Variants in STIMATE observed in about 807,000 individuals in gnomAD.
The protein encoded by STIMATE is STIM activating enhancer, also known as store-operated calcium entry regulator STIMATE.
Under a neutral mutation model 36.7 loss-of-function variants are expected in STIMATE, and 15 were observed. The ratio of observed to expected loss-of-function variants is 0.41; its 90% CI spans 0.27 to 0.63. The LOEUF (loss-of-function observed/expected upper bound fraction) is 0.63. Among genes scored for constraint, STIMATE ranks in the 20% least tolerant of loss-of-function variants. The pLI is 0.32. For synonymous variants in STIMATE, 163 were observed against 162.3 expected (o/e 1.00, Z -0.03); for missense variants, 305 against 397.3 (o/e 0.77, Z 1.98).
At chr3:52,841,535 G>A (rs910510363) in intron 7 of STIMATE, among the ~76,000 whole-genome samples, 1 of 152,198 alleles carries the variant, frequency 6.6e-6, no homozygotes, top group African/African-American at 2.4e-5. Context: ...CCTAGGTTGG[G>A]ATCAGGAGGT....
chr3:52,849,914 C>T lies in STIMATE; in HGVS notation c.306-1G>A. 6.2e-7 allele frequency: 1 copy of T among 1,613,272 alleles called. No individual in the cohort carries two copies. Among genetic ancestry groups the T allele is most frequent in the Non-Finnish European group, 8.5e-7 (1 of 1,179,660 alleles). Reference sequence around the variant, plus strand: ...GTCCAGGAGGAAGTTGATGAGGTACCTGTGAGGACAGGGCACATGCATGGT... The same window carrying T: ...GTCCAGGAGGAAGTTGATGAGGTACTTGTGAGGACAGGGCACATGCATGGT... On this transcript the variant is annotated splice_acceptor_variant, in intron 3 of 7. Coordinates refer to ENST00000355083, the MANE Select transcript of STIMATE (RefSeq NM_198563.5). LOFTEE classifies it high-confidence loss of function.
chr3:52,876,568 C>A (rs1335622466), intron 1 of STIMATE, among the ~76,000 whole-genome samples: 1 of 152,254 alleles, frequency 6.6e-6, no homozygotes, highest in Non-Finnish European at 1.5e-5. Context: ...AATCCTCCTC[C>A]TCCTCGGCTT....
At chr3:52,886,427 G>T (rs1186893620) in intron 1 of STIMATE, among the ~76,000 whole-genome samples, 2 of 152,198 alleles carry the variant, frequency 1.3e-5, no homozygotes, top group African/African-American at 4.8e-5. Context: ...CTCAGTGCCT[G>T]TTTTCCCAGG....
intron 3 of STIMATE, among the ~76,000 whole-genome samples, chr3:52,851,925 T>A (rs958631297): frequency 6.6e-6 from 1 of 152,206 alleles, no homozygotes; most frequent in Non-Finnish European, 1.5e-5. Context: ...AACCTCTCTG[T>A]GCCTCAGTTC....
chr3:52,871,393 T>A (rs1701403583), intron 1 of STIMATE, among the ~76,000 whole-genome samples: 1 of 152,108 alleles, frequency 6.6e-6, no homozygotes. Context: ...GCACCTCATC[T>A]GTGTGGGAGC....
Position 52,839,802 on chromosome 3 carries a change from C to T in STIMATE, c.*692G>A, listed in dbSNP as rs530417712. On this transcript the variant is annotated 3_prime_UTR_variant, in exon 8 of 8. Coordinates refer to ENST00000355083, the MANE Select transcript of STIMATE (RefSeq NM_198563.5). Reference sequence around the variant, plus strand: ...CACACCCCATGAAAGGCAAATAAACCCATTTCTTTGGGGACTAAAAAGAGT... The same window carrying T: ...CACACCCCATGAAAGGCAAATAAACTCATTTCTTTGGGGACTAAAAAGAGT... 3.5e-4 allele frequency: 54 copies of T among 152,522 alleles called. No individual in the cohort carries two copies. The highest frequency in any genetic ancestry group is 5.0e-4 in the Non-Finnish European group (34 of 68,018). 9.4% of individuals were successfully genotyped at this position (152,522 alleles called of 1,614,324 possible). A position where few individuals can be genotyped will look rare whatever the true frequency, so the allele number is the denominator to read the frequency against.
intron 1 of STIMATE, among the ~76,000 whole-genome samples, chr3:52,883,295 C>G (rs1339679743): frequency 6.6e-6 from 1 of 152,150 alleles, no homozygotes; most frequent in Non-Finnish European, 1.5e-5. Flanking sequence ...AATAGCTTGA[C>G]AAAAAATCCA....
chr3:52,868,167 C>A (rs1701342615), intron 1 of STIMATE, among the ~76,000 whole-genome samples: 1 of 152,218 alleles, frequency 6.6e-6, no homozygotes, highest in Admixed American at 6.5e-5. Context: ...GGCTAAAAAC[C>A]CAGAGACGCC....
At chr3:52,846,424 C>A (rs1324934849) in intron 4 of STIMATE, 1 of 152,184 alleles carries the variant, frequency 6.6e-6, no homozygotes, top group Non-Finnish European at 1.5e-5. Context: ...GGTTTGAGGA[C>A]AGTTGGACAG....
chr3:52,841,179 A>G (rs531667429), intron 7 of STIMATE, among the ~76,000 whole-genome samples: 1 of 152,306 alleles, frequency 6.6e-6, no homozygotes, highest in East Asian at 1.9e-4. Context: ...GTCCACCTCC[A>G]GGGGAACCGA....
At chr3:52,895,340 G>C (rs935361442) in intron 1 of STIMATE, among the ~76,000 whole-genome samples, 1 of 152,168 alleles carries the variant, frequency 6.6e-6, no homozygotes, top group Non-Finnish European at 1.5e-5. Context: ...TTCTAGGTAG[G>C]GGGAGGAGGC....
chr3:52,892,225 A>T (rs1025438633), intron 1 of STIMATE, among the ~76,000 whole-genome samples: 8 of 152,106 alleles, frequency 5.3e-5, no homozygotes, highest in Admixed American at 1.3e-4. Flanking sequence ...TCAAAAGTTT[A>T]AAAAAAATGC....
chr3:52,843,732 A>C lies in STIMATE; in HGVS notation c.607T>G (p.Phe203Val). 2.5e-6 allele frequency: 4 copies of C among 1,613,916 alleles called. 1 individual carries two copies. The South Asian group carries it at 4.4e-5, about 18-fold the overall frequency. Reference sequence around the variant, plus strand: ...AACATGGCACTGACGTTGACAAAGAAGGGGACGATCAGCATGACGATGGCC... The same window carrying C: ...AACATGGCACTGACGTTGACAAAGACGGGGACGATCAGCATGACGATGGCC... ...KLAIVMLIVP[F>V]FVNALMFWVV... Residue 203 changes from phenylalanine to valine, a missense_variant, in exon 6 of 8, where the codon TTC becomes GTC. Transcript: ENST00000355083.
chr3:52,869,883 T>C (rs1224100803), intron 1 of STIMATE, among the ~76,000 whole-genome samples: 2 of 152,218 alleles, frequency 1.3e-5, no homozygotes, highest in African/African-American at 4.8e-5. Context: ...GGGCTTCAAC[T>C]GGACTCTATA....
chr3:52,849,665 A>G (rs1700964784), intron 4 of STIMATE, 127 bp downstream of exon 4: 1 of 1,461,158 alleles, frequency 6.8e-7, no homozygotes, highest in Admixed American at 2.2e-5. Flanking sequence ...CCCCTCTACC[A>G]CACAGAGAAG....
intron 7 of STIMATE, among the ~76,000 whole-genome samples, chr3:52,841,423 G>A (rs1700795830): frequency 6.6e-6 from 1 of 152,218 alleles, no homozygotes; most frequent in Non-Finnish European, 1.5e-5. Flanking sequence ...CTGTTCTAAG[G>A]CCCTGGAATG....
intron 1 of STIMATE, among the ~76,000 whole-genome samples, chr3:52,869,541 C>T (rs970568046): frequency 6.6e-6 from 1 of 152,190 alleles, no homozygotes; most frequent in Admixed American, 6.5e-5. Context: ...ACCAAGTGCC[C>T]TCCCTTCTCC....
chr3:52,882,141 A>G (rs1018296438), intron 1 of STIMATE, among the ~76,000 whole-genome samples: 1 of 152,194 alleles, frequency 6.6e-6, no homozygotes, highest in Non-Finnish European at 1.5e-5. Flanking sequence ...AGGCTCACAC[A>G]GGGCTGGGGG....
intron 2 of STIMATE, among the ~76,000 whole-genome samples, chr3:52,853,277 T>C (rs747877269): frequency 2.6e-5 from 4 of 152,184 alleles, no homozygotes; most frequent in Non-Finnish European, 4.4e-5. Flanking sequence ...ATTCCAATCA[T>C]ACACACCGGG....
Sources: allele counts gnomAD v4.1 joint callset (sites outside exome capture counted in the v4.1 genomes callset), GRCh38; gene constraint gnomAD v4.1.1; transcripts MANE v1.5; gene names NCBI Gene and HGNC (gene_info 2026-07-23, HGNC 2026-07-21).